The following MTMR14 variants were observed in gnomAD, a reference collection of about 807,000 sequenced individuals.
MTMR14 encodes myotubularin related protein 14.
In MTMR14, 48 loss-of-function variants were observed where a neutral mutation model predicts 86.3. The ratio of observed to expected loss-of-function variants is 0.56; its 90% CI spans 0.44 to 0.71. MTMR14 has a LOEUF of 0.71. Ranked by LOEUF, MTMR14 falls within the 30% of genes least tolerant of loss-of-function variation. The pLI, the probability that MTMR14 is intolerant of heterozygous loss-of-function variation, is 0.00. For missense variants in MTMR14, 780 were observed against 834.6 expected, an observed-to-expected ratio of 0.93 and a Z score of 0.81; for synonymous variants, 366 against 326.1, an observed-to-expected ratio of 1.12 and a Z score of -1.32.
chr3:9,680,470 A>C (rs2075724440), intron 9 of MTMR14, among the ~76,000 whole-genome samples: 1 of 152,224 alleles, frequency 6.6e-6, no homozygotes, highest in South Asian at 2.1e-4. Context: ...CATTTTCCTC[A>C]GAATACAATG....
Position 9,672,777 on chromosome 3 carries a change from G to A in MTMR14, c.751+19G>A. ...TATCCAGGTAGGGGGCTCTCTTCTA[G>A]TGGCAGGCATCCTAGGACTGGGGAC... On this transcript the variant is annotated intron_variant, in intron 7 of 18. Coordinates refer to ENST00000296003, the MANE Select transcript of MTMR14 (RefSeq NM_001077525.3). 1 of 1,612,802 alleles carries A rather than the reference G, an allele frequency of 6.2e-7. No individual in the cohort carries two copies. Among genetic ancestry groups the A allele is most frequent in the South Asian group, 1.1e-5 (1 of 91,044 alleles).
At position 9,662,163 on chromosome 3, in the gene MTMR14, A is replaced by T. The variant is rs186977641; in HGVS notation, c.309-104A>T. 1,142 of 795,212 alleles carry T rather than the reference A, an allele frequency of 1.4e-3. 5 individuals carry two copies. The highest frequency in any genetic ancestry group is 4.6e-3 in the South Asian group (330 of 71,564). The allele number at this position is 795,212 out of a possible 1,614,324, so 49.3% of individuals were successfully genotyped here. A position where few individuals can be genotyped will look rare whatever the true frequency, so the allele number is the denominator to read the frequency against. ...GAATGACATTTAATTTCAAGCAAGC[A>T]TTATGTACACAGATCTAGTATGGGG... On this transcript the variant is annotated intron_variant, in intron 2 of 18. Coordinates refer to ENST00000296003, the MANE Select transcript of MTMR14 (RefSeq NM_001077525.3).
chr3:9,653,479 CT>C, intron 1 of MTMR14, 141 bp from the exon 2 acceptor site: 1 of 1,030,240 alleles, frequency 9.7e-7, no homozygotes, highest in Non-Finnish European at 1.5e-6. Flanking sequence ...GACCTGTGGC[CT>C]AGCATCACAT....
chr3:9,680,574 G>A (rs545219903), intron 9 of MTMR14, among the ~76,000 whole-genome samples: 7 of 152,316 alleles, frequency 4.6e-5, no homozygotes, highest in South Asian at 2.1e-4. Flanking sequence ...GGCCGGGCAC[G>A]GTGGCTCATG....
chr3:9,672,830 A>G (rs1050393819), intron 7 of MTMR14, 72 bp downstream of exon 7: 9 of 1,371,084 alleles, frequency 6.6e-6, no homozygotes, highest in Non-Finnish European at 6.3e-6. Context: ...AGCCCTCTCT[A>G]CTTAGTTACA....
intron 1 of MTMR14, chr3:9,650,426 A>G (rs1440470356): frequency 6.6e-6 from 3 of 454,942 alleles, no homozygotes; most frequent in African/African-American, 2.0e-5. Context: ...CGACCCTGCC[A>G]TCTCATTCCC....
intron 16 of MTMR14, 123 bp downstream of exon 16, chr3:9,689,205 T>G (rs1416783622): frequency 3.5e-6 from 5 of 1,414,218 alleles, no homozygotes; most frequent in Non-Finnish European, 4.8e-6. Flanking sequence ...AGAGGATAGC[T>G]CCGTGCTCCT....
At chr3:9,654,138 A>G (rs188629963) in intron 2 of MTMR14, among the ~76,000 whole-genome samples, 2 of 152,292 alleles carry the variant, frequency 1.3e-5, no homozygotes, top group East Asian at 3.9e-4. Flanking sequence ...TTGAGAGCCT[A>G]AGGTCTAGAG....
At chr3:9,678,352 C>A (rs2075651935) in intron 9 of MTMR14, among the ~76,000 whole-genome samples, 1 of 152,214 alleles carries the variant, frequency 6.6e-6, no homozygotes, top group African/African-American at 2.4e-5. Context: ...TATTCCAGAT[C>A]TGGGCTTTAG....
intron 5 of MTMR14, among the ~76,000 whole-genome samples, chr3:9,670,247 A>G (rs1259165320): frequency 6.6e-6 from 1 of 152,232 alleles, no homozygotes. Flanking sequence ...TGCTATGCCC[A>G]GGTTCTGCCT....
At chr3:9,682,137 C>A (rs567104980) in intron 9 of MTMR14, among the ~76,000 whole-genome samples, 1 of 152,196 alleles carries the variant, frequency 6.6e-6, no homozygotes, top group Non-Finnish European at 1.5e-5. Context: ...GTGTCTGACA[C>A]GTTGAGCCAG....
intron 3 of MTMR14, among the ~76,000 whole-genome samples, chr3:9,667,744 G>A (rs969307579): frequency 2.6e-5 from 4 of 152,140 alleles, no homozygotes; most frequent in African/African-American, 9.7e-5. Flanking sequence ...TGACCTAGTC[G>A]TTCCCACGCA....
In MTMR14 at chr3:9,677,930, C is replaced by T; in HGVS notation, c.823-54C>T. Reference sequence around the variant, plus strand: ...TCAGGACTGCAAGCTTCCCCATCACCTAAGCCTCCTCTGGTGGCCAACCCA... The same window carrying T: ...TCAGGACTGCAAGCTTCCCCATCACTTAAGCCTCCTCTGGTGGCCAACCCA... On this transcript the variant is annotated intron_variant, in intron 8 of 18. Coordinates refer to ENST00000296003, the MANE Select transcript of MTMR14 (RefSeq NM_001077525.3). This position sits in a 1 kb window ranked among gnomAD's most constrained non-coding sequence, Gnocchi z 4.2. 6.4e-7 allele frequency: 1 copy of T among 1,560,652 alleles called. No homozygotes were observed. The highest frequency in any genetic ancestry group is 8.8e-7 in the Non-Finnish European group (1 of 1,134,528).
intron 13 of MTMR14, among the ~76,000 whole-genome samples, chr3:9,686,595 C>T (rs2075964989): frequency 6.6e-6 from 1 of 152,160 alleles, no homozygotes; most frequent in Non-Finnish European, 1.5e-5. Context: ...GTTCGGGGAA[C>T]ATATTAGCAT....
At chr3:9,683,281 A>G in intron 10 of MTMR14, 37 bp downstream of exon 10, 1 of 1,588,708 alleles carries the variant, frequency 6.3e-7, no homozygotes, top group Non-Finnish European at 8.6e-7. Context: ...GAGCCACTGC[A>G]CCCTTGGGGA....
Position 9,701,607 on chromosome 3 carries a change from T to G in MTMR14, c.1770-183T>G. 1 of 725,466 alleles carries G rather than the reference T, an allele frequency of 1.4e-6. No homozygotes were observed. Among genetic ancestry groups the G allele is most frequent in the South Asian group, 1.6e-5 (1 of 62,346 alleles). 44.9% of individuals were successfully genotyped at this position (725,466 alleles called of 1,614,324 possible). On this transcript the variant is annotated intron_variant, in intron 18 of 18. Transcript: ENST00000296003. This position sits in a 1 kb window ranked among gnomAD's most constrained non-coding sequence, Gnocchi z 4.2. ...AGCCTGAGGGCTTAGAGGAATGGTTTAAGGGAAAACAGGGCCAGATATTTG... is the reference window on the plus strand; with the variant it reads ...AGCCTGAGGGCTTAGAGGAATGGTTGAAGGGAAAACAGGGCCAGATATTTG...
At chr3:9,684,691 A>C in intron 11 of MTMR14, 21 bp downstream of exon 11, 1 of 1,613,332 alleles carries the variant, frequency 6.2e-7, no homozygotes, top group Non-Finnish European at 8.5e-7. Context: ...ATCGGCCCCT[A>C]CCAAGCTCTG....
rs139190978 is a variant in MTMR14, at chr3:9,652,501, C to T, written c.160-1120C>T. Among the ~76,000 whole-genome samples the T allele has an allele frequency of 3.1e-3, 479 of 152,236 alleles. 2 individuals carry two copies. Among genetic ancestry groups the T allele is most frequent in the Non-Finnish European group, 5.6e-3 (378 of 67,990 alleles). ...AGTACACTGGCTCACGCGTGTAATC[C>T]TAGCACTTTGGGAGGCCAAGGCAGG... On this transcript the variant is annotated intron_variant, in intron 1 of 18. Transcript: ENST00000296003.
In MTMR14 at chr3:9,649,576, G is replaced by T; in HGVS notation, c.-8G>T. 1 of 1,541,996 alleles carries T rather than the reference G, an allele frequency of 6.5e-7. No individual in the cohort carries two copies. Among genetic ancestry groups the T allele is most frequent in the South Asian group, 1.2e-5 (1 of 83,534 alleles). ...TTGAGGCACACTGAGGGGACGCGGG[G>T]CTGGGCCATGGCCGGCGCTCGGGCC... On this transcript the variant is annotated 5_prime_UTR_variant, in exon 1 of 19. Coordinates refer to ENST00000296003, the MANE Select transcript of MTMR14 (RefSeq NM_001077525.3).
Sources: allele counts gnomAD v4.1 joint callset (sites outside exome capture counted in the v4.1 genomes callset), GRCh38; gene constraint gnomAD v4.1.1; non-coding constraint Gnocchi (gnomAD v3.1); transcripts MANE v1.5; gene names NCBI Gene and HGNC (gene_info 2026-07-23, HGNC 2026-07-21).